Variants in SYN2 observed in about 807,000 individuals in gnomAD.
SYN2 encodes the protein synapsin II, also known as synapsin-2.
Under a neutral mutation model 50.9 loss-of-function variants are expected in SYN2, and 19 were observed. The observed-to-expected ratio is 0.37, with a 90% CI of 0.26 to 0.55. SYN2 has a LOEUF of 0.55. Ranked by LOEUF, SYN2 falls within the 20% of genes least tolerant of loss-of-function variation. The pLI, the probability that SYN2 is intolerant of heterozygous loss-of-function variation, is 0.81. For synonymous variants in SYN2, 255 were observed against 224.9 expected (o/e 1.13, Z -1.20); for missense variants, 587 against 576.4 (o/e 1.02, Z -0.19).
intron 1 of SYN2, among the ~76,000 whole-genome samples, chr3:12,026,521 C>T (rs1030539262): frequency 1.3e-5 from 2 of 152,030 alleles, no homozygotes; most frequent in African/African-American, 2.4e-5. Context: ...ACAACAAAGG[C>T]GGCATCTGAG....
intron 10 of SYN2, among the ~76,000 whole-genome samples, chr3:12,177,563 T>C (rs1428278750): frequency 2.0e-5 from 3 of 152,118 alleles, no homozygotes; most frequent in Admixed American, 6.5e-5. Context: ...AGGGCTTCAC[T>C]TGAGCTCAGA....
At chr3:12,151,366 T>C (rs1559441484) in intron 5 of SYN2, 40 bp downstream of exon 5, 1 of 1,546,906 alleles carries the variant, frequency 6.5e-7, no homozygotes, top group Non-Finnish European at 8.9e-7. Context: ...TCTGCTGTTT[T>C]CATTTTGCAC....
At chr3:12,171,594 A>G (rs1277124420) in intron 10 of SYN2, among the ~76,000 whole-genome samples, 1 of 152,230 alleles carries the variant, frequency 6.6e-6, no homozygotes, top group Non-Finnish European at 1.5e-5. Context: ...GTAAACTTTC[A>G]TGGCCTTCTA....
At position 12,158,898 on chromosome 3, in the gene SYN2, G is replaced by C; in HGVS notation, c.775-2648G>C. On this transcript the variant is annotated intron_variant, in intron 5 of 12. Coordinates refer to ENST00000621198, the MANE Select transcript of SYN2 (RefSeq NM_133625.6). ...TCTGGGGGACTGGACGGCCCCAGCAGGGCTCCTTCCCAAGGCCGTTGTGCC... is the reference window on the plus strand; with the variant it reads ...TCTGGGGGACTGGACGGCCCCAGCACGGCTCCTTCCCAAGGCCGTTGTGCC... 3.4e-6 allele frequency: 5 copies of C among 1,463,488 alleles called. No individual in the cohort carries two copies. In the South Asian group the frequency reaches 6.8e-5, roughly 20 times the overall value. The allele number at this position is 1,463,488 out of a possible 1,614,324, so 90.7% of individuals were successfully genotyped here.
At chr3:12,050,167 C>T (rs1694824557) in intron 1 of SYN2, among the ~76,000 whole-genome samples, 1 of 152,158 alleles carries the variant, frequency 6.6e-6, no homozygotes, top group Admixed American at 6.5e-5. Context: ...TCCCAAAGTG[C>T]TGGGATTACA....
At chr3:12,175,288 A>G (rs1698040059) in intron 10 of SYN2, among the ~76,000 whole-genome samples, 1 of 152,216 alleles carries the variant, frequency 6.6e-6, no homozygotes, top group African/African-American at 2.4e-5. Flanking sequence ...TAATAGCCCT[A>G]TCAGCCTATT....
intron 1 of SYN2, among the ~76,000 whole-genome samples, chr3:12,018,852 A>G (rs1694073295): frequency 6.6e-6 from 1 of 152,222 alleles, no homozygotes; most frequent in Admixed American, 6.5e-5. Context: ...GAGAGTAGGT[A>G]GATATGAGGA....
intron 3 of SYN2, among the ~76,000 whole-genome samples, chr3:12,142,608 G>A (rs1326989075): frequency 2.6e-5 from 4 of 152,164 alleles, no homozygotes; most frequent in Non-Finnish European, 4.4e-5. Context: ...TGGTATGCTC[G>A]ATGCCTCATA....
At chr3:12,035,741 G>C (rs1180741838) in intron 1 of SYN2, among the ~76,000 whole-genome samples, 2 of 152,190 alleles carry the variant, frequency 1.3e-5, no homozygotes, top group Non-Finnish European at 2.9e-5. Context: ...GGGGTCAGTA[G>C]AAAGGAGTGC....
chr3:12,151,224 T>C lies in SYN2; in HGVS notation c.685-13T>C. 1.2e-6 allele frequency: 2 copies of C among 1,603,300 alleles called. No homozygotes were observed. Among genetic ancestry groups the C allele is most frequent in the Non-Finnish European group, 1.7e-6 (2 of 1,173,290 alleles). ...ATCTAAGATAAGCTGTAACATTTGC[T>C]TTTCTTTTGCAGTTTGCCCAGCTGG... On this transcript the variant is annotated splice_polypyrimidine_tract_variant and intron_variant, in intron 4 of 12. Transcript: ENST00000621198.
At chr3:12,112,745 C>A (rs2125196152) in intron 1 of SYN2, among the ~76,000 whole-genome samples, 1 of 148,420 alleles carries the variant, frequency 6.7e-6, no homozygotes, top group South Asian at 2.1e-4. Context: ...AAACCTATTT[C>A]TTCTGCCTCC....
At chr3:12,099,607 AAATT>A (rs1356649808) in intron 1 of SYN2, among the ~76,000 whole-genome samples, 1 of 152,130 alleles carries the variant, frequency 6.6e-6, no homozygotes, top group African/African-American at 2.4e-5. Context: ...GAAGATTTGA[AAATT>A]AATAACCTAA....
At chr3:12,180,192 A>G (rs549440842) in intron 10 of SYN2, among the ~76,000 whole-genome samples, 1 of 151,254 alleles carries the variant, frequency 6.6e-6, no homozygotes, top group African/African-American at 2.4e-5. Flanking sequence ...CAAGTGATCC[A>G]CGCACCTCGG....
chr3:12,119,695 G>A (rs758331977), intron 1 of SYN2, among the ~76,000 whole-genome samples: 4 of 152,148 alleles, frequency 2.6e-5, no homozygotes, highest in Non-Finnish European at 5.9e-5. Context: ...CTTTCAGGTT[G>A]TCTGATTTTA....
At chr3:12,103,863 C>A (rs1273940677) in intron 1 of SYN2, among the ~76,000 whole-genome samples, 1 of 152,180 alleles carries the variant, frequency 6.6e-6, no homozygotes, top group African/African-American at 2.4e-5. Context: ...CAGTCGAGTT[C>A]AGGCATAACA....
At chr3:12,072,263 T>G (rs1178042768) in intron 1 of SYN2, among the ~76,000 whole-genome samples, 1 of 152,200 alleles carries the variant, frequency 6.6e-6, no homozygotes, top group African/African-American at 2.4e-5. Context: ...GATTAGCAAA[T>G]ATTTTCTCCT....
intron 1 of SYN2, among the ~76,000 whole-genome samples, chr3:12,113,282 T>C (rs1007437534): frequency 3.3e-5 from 5 of 152,260 alleles, no homozygotes; most frequent in African/African-American, 9.6e-5. Context: ...ACTTGAAATA[T>C]TTTGAAATCT....
intron 1 of SYN2, among the ~76,000 whole-genome samples, chr3:12,088,150 G>A (rs1004070572): frequency 2.6e-5 from 4 of 152,168 alleles, no homozygotes; most frequent in African/African-American, 9.7e-5. Flanking sequence ...GAAAATATTT[G>A]CAAACCGTAC....
intron 1 of SYN2, among the ~76,000 whole-genome samples, chr3:12,085,779 G>A (rs1695689048): frequency 6.6e-6 from 1 of 152,174 alleles, no homozygotes; most frequent in East Asian, 1.9e-4. Flanking sequence ...GGAAATTATA[G>A]CAATAAATGC....
Sources: allele counts gnomAD v4.1 joint callset (sites outside exome capture counted in the v4.1 genomes callset), GRCh38; gene constraint gnomAD v4.1.1; transcripts MANE v1.5; gene names NCBI Gene and HGNC (gene_info 2026-07-23, HGNC 2026-07-21).